Variants in NAV3 observed in about 807,000 individuals in gnomAD.
NAV3 encodes the protein pore membrane and/or filament interacting like protein 1.
Under a neutral mutation model 244.7 loss-of-function variants are expected in NAV3, and 87 were observed. That is an observed-to-expected ratio of 0.36 (90% confidence interval 0.30 to 0.42). The LOEUF (loss-of-function observed/expected upper bound fraction) is 0.42. Among genes scored for constraint, NAV3 ranks in the 20% least tolerant of loss-of-function variants. The pLI is 1.00. For missense variants in NAV3, 2,663 were observed against 2,893.3 expected, an observed-to-expected ratio of 0.92 and a Z score of 1.83; for synonymous variants, 1,126 against 1,042.2, an observed-to-expected ratio of 1.08 and a Z score of -1.55.
chr12:78,046,957 G>C (rs1881902190), intron 9 of NAV3, among the ~76,000 whole-genome samples: 1 of 152,086 alleles, frequency 6.6e-6, no homozygotes, highest in Non-Finnish European at 1.5e-5. Flanking sequence ...AGCTTTTCTT[G>C]TTGCATTGAT....
At position 77,945,949 on chromosome 12, in the gene NAV3, G is replaced by A. The variant is rs1017759817; in HGVS notation, c.414+4816G>A. 3.3e-5 allele frequency among the ~76,000 whole-genome samples: 5 copies of A among 150,956 alleles called. No homozygotes were observed. In the East Asian group the frequency reaches 5.8e-4, roughly 18 times the overall value. ...AATTTTTTTAATTTTTAGTAGAGACGGGTTTTGCCATGTTGGCCAGGCTGG... is the reference window on the plus strand; with the variant it reads ...AATTTTTTTAATTTTTAGTAGAGACAGGTTTTGCCATGTTGGCCAGGCTGG... On this transcript the variant is annotated intron_variant, in intron 3 of 39. Coordinates refer to ENST00000397909, the MANE Select transcript of NAV3 (RefSeq NM_001024383.2).
At chr12:78,207,481 G>A (rs892276490) in intron 39 of NAV3, among the ~76,000 whole-genome samples, 3 of 152,122 alleles carry the variant, frequency 2.0e-5, no homozygotes, top group African/African-American at 7.2e-5. Flanking sequence ...TATATGAACT[G>A]CAGTAACATA....
At chr12:78,033,205 T>A (rs1233990276) in intron 9 of NAV3, among the ~76,000 whole-genome samples, 1 of 152,032 alleles carries the variant, frequency 6.6e-6, no homozygotes, top group Non-Finnish European at 1.5e-5. Context: ...TATCTGACAT[T>A]TACAATCTCT....
rs564070204 is a variant in NAV3, at chr12:78,006,259, A to T, written c.881-160A>T. 5.1e-5 allele frequency among the ~76,000 whole-genome samples: 7 copies of T among 138,134 alleles called. No homozygotes were observed. In the South Asian group the frequency reaches 1.2e-3, roughly 23 times the overall value. 90.6% of individuals were successfully genotyped at this position (138,134 alleles called of 152,430 possible). Reference sequence around the variant, plus strand: ...ACACTCTGCATTTTTGAAATATGGTAAAAAAAAATCACATCAGAGAAGTGA... The same window carrying T: ...ACACTCTGCATTTTTGAAATATGGTTAAAAAAAATCACATCAGAGAAGTGA... On this transcript the variant is annotated intron_variant, in intron 7 of 39. Coordinates refer to ENST00000397909, the MANE Select transcript of NAV3 (RefSeq NM_001024383.2).
chr12:77,891,406 A>C (rs1309899731), intron 1 of NAV3, among the ~76,000 whole-genome samples: 2 of 151,784 alleles, frequency 1.3e-5, no homozygotes, highest in Non-Finnish European at 2.9e-5. Context: ...TTTTCATATT[A>C]TGTTGAACCC....
chr12:78,160,400 C>CGT (rs1280738927), intron 23 of NAV3, among the ~76,000 whole-genome samples: 1 of 139,128 alleles, frequency 7.2e-6, no homozygotes, highest in Non-Finnish European at 1.5e-5. Context: ...TGTGTGTGTG[C>CGT]GTGCGTGTGT....
chr12:78,145,681 A>G (rs552909057), intron 20 of NAV3, among the ~76,000 whole-genome samples: 16 of 152,286 alleles, frequency 1.1e-4, no homozygotes, highest in Admixed American at 5.9e-4. Flanking sequence ...GCAAATTCCT[A>G]TGGCAGTCCT....
chr12:78,127,173 G>T lies in NAV3; in HGVS notation c.4245G>T (p.Gln1415His). 1 of 1,613,626 alleles carries T rather than the reference G, an allele frequency of 6.2e-7. No homozygotes were observed. Among genetic ancestry groups the T allele is most frequent in the South Asian group, 1.1e-5 (1 of 91,040 alleles). Residue 1415 changes from glutamine to histidine, a missense_variant, in exon 17 of 40, where the codon CAG becomes CAT. By Grantham distance (24) the Gln-to-His change is conservative. Transcript: ENST00000397909. ...SVRSTLSESMQLDRNTLPKKG... is the reference protein window; with the variant it reads ...SVRSTLSESMHLDRNTLPKKG... ...GTTTTCTTTGTTTTAACAGCATGCAGCTTGACAGAAATACACTACCCAAAA... is the reference window on the plus strand; with the variant it reads ...GTTTTCTTTGTTTTAACAGCATGCATCTTGACAGAAATACACTACCCAAAA...
At chr12:78,173,738 G>A (rs76495189) in intron 24 of NAV3, among the ~76,000 whole-genome samples, 2,872 of 143,836 alleles carry the variant, frequency 0.02, 47 homozygotes, top group Non-Finnish European at 0.032. Context: ...GAATTCTAGG[G>A]ATTATAAAAA....
In NAV3 at chr12:78,140,259, A is replaced by T. The variant is rs1381313532; in HGVS notation, c.4631-23A>T. The T allele has an allele frequency of 1.9e-6, 3 of 1,607,764 alleles. No homozygotes were observed. In the Admixed American group the frequency reaches 5.0e-5, roughly 27 times the overall value. On this transcript the variant is annotated intron_variant, in intron 19 of 39. Transcript: ENST00000397909. Reference sequence around the variant, plus strand: ...GAGTAGACCTTATTGTTTTAACTCTATTGTTCTGTTTGTTTTCTCCAGTTC... The same window carrying T: ...GAGTAGACCTTATTGTTTTAACTCTTTTGTTCTGTTTGTTTTCTCCAGTTC...
intron 1 of NAV3, among the ~76,000 whole-genome samples, chr12:77,927,832 C>T (rs1020209474): frequency 6.6e-6 from 1 of 151,968 alleles, no homozygotes; most frequent in Admixed American, 6.6e-5. Context: ...GTAGCTGGTT[C>T]TTCATTATGT....
intron 3 of NAV3, among the ~76,000 whole-genome samples, chr12:77,964,955 AT>A (rs1027352068): frequency 6.6e-6 from 1 of 152,086 alleles, no homozygotes; most frequent in African/African-American, 2.4e-5. Context: ...TCTTGAATCT[AT>A]TTTTTTCTTT....
chr12:78,185,560 T>C (rs1958676138), intron 30 of NAV3, 41 bp from the exon 31 acceptor site: 1 of 1,522,188 alleles, frequency 6.6e-7, no homozygotes, highest in Non-Finnish European at 9.1e-7. Context: ...TCTGAGCTAA[T>C]GTTATACTGT....
chr12:78,182,585 T>C (rs1056686550), intron 30 of NAV3, among the ~76,000 whole-genome samples: 1 of 151,878 alleles, frequency 6.6e-6, no homozygotes, highest in Admixed American at 6.6e-5. Context: ...CTAGGAAAAA[T>C]AGAACTCATA....
chr12:77,705,239 C>A (rs570939431), intron 2 of NAV3, among the ~76,000 whole-genome samples: 4 of 151,606 alleles, frequency 2.6e-5, no homozygotes, highest in African/African-American at 9.7e-5. Flanking sequence ...GCCAACATAG[C>A]GAAACCCTGT....
At chr12:77,645,087 G>A (rs1435111569) in intron 2 of NAV3, among the ~76,000 whole-genome samples, 6 of 152,030 alleles carry the variant, frequency 3.9e-5, no homozygotes, top group African/African-American at 9.7e-5. Flanking sequence ...TGAAACCCAC[G>A]TCTGTTAGGC....
At chr12:77,659,021 G>A (rs1873282785) in intron 2 of NAV3, among the ~76,000 whole-genome samples, 1 of 151,820 alleles carries the variant, frequency 6.6e-6, no homozygotes, top group South Asian at 2.1e-4. Context: ...AGAAAACCTA[G>A]GCATTACCAT....
At chr12:77,677,679 T>C (rs1228874309) in intron 2 of NAV3, among the ~76,000 whole-genome samples, 1 of 152,204 alleles carries the variant, frequency 6.6e-6, no homozygotes, top group Non-Finnish European at 1.5e-5. Context: ...GTGAATGGAG[T>C]AATTAGCGCA....
At chr12:78,105,583 A>G (rs1352881894) in intron 12 of NAV3, among the ~76,000 whole-genome samples, 2 of 152,030 alleles carry the variant, frequency 1.3e-5, no homozygotes, top group Non-Finnish European at 2.9e-5. Context: ...CTATTTTTCT[A>G]TGGACAAGTT....
Sources: gnomAD v4.1 joint callset for allele counts (sites outside exome capture counted in the v4.1 genomes callset) on GRCh38, gnomAD v4.1.1 for gene constraint, MANE v1.5 for transcripts, NCBI Gene and HGNC (gene_info 2026-07-23, HGNC 2026-07-21) for gene names.